TTC1: variants seen among roughly 807,000 people sequenced by gnomAD.
TTC1 encodes the protein tetratricopeptide repeat domain 1.
A neutral mutation model predicts 37.6 loss-of-function variants in TTC1; 31 were observed. The ratio of observed to expected loss-of-function variants is 0.82; its 90% CI spans 0.62 to 1.11. TTC1 has a LOEUF of 1.11. TTC1 is among the 50% of genes most tolerant of loss of function. The pLI is 0.00. For missense variants in TTC1, 351 were observed against 339.0 expected (o/e 1.04, Z -0.28); for synonymous variants, 127 against 122.4 (o/e 1.04, Z -0.25).
intron 4 of TTC1, among the ~76,000 whole-genome samples, chr5:160,038,062 G>T (rs1024897440): frequency 9.9e-5 from 15 of 151,672 alleles, no homozygotes; most frequent in African/African-American, 3.4e-4. Context: ...GTGCTTGAAT[G>T]CTTGGACATG....
At chr5:160,052,690 G>A (rs974378073) in intron 7 of TTC1, among the ~76,000 whole-genome samples, 1 of 151,954 alleles carries the variant, frequency 6.6e-6, no homozygotes, top group Admixed American at 6.6e-5. Flanking sequence ...GTCCAGTAAA[G>A]GGACTGGTGC....
chr5:160,014,652 A>G (rs1237059287), intron 2 of TTC1, among the ~76,000 whole-genome samples: 3 of 152,112 alleles, frequency 2.0e-5, no homozygotes, highest in African/African-American at 7.2e-5. Context: ...GCAGTGAGCC[A>G]TGATCACGCC....
chr5:160,013,828 G>T (rs1449789381), intron 2 of TTC1, among the ~76,000 whole-genome samples: 1 of 151,818 alleles, frequency 6.6e-6, no homozygotes, highest in Non-Finnish European at 1.5e-5. Context: ...AGGAGAGGAT[G>T]TTGGAACTCA....
At chr5:160,023,733 T>G (rs996279562) in intron 2 of TTC1, 75 of 1,610,206 alleles carry the variant, frequency 4.7e-5, no homozygotes, top group East Asian at 2.9e-4. Flanking sequence ...CCTATGTGCT[T>G]CTTCTTGTGC....
intron 7 of TTC1, 47 bp from the exon 8 acceptor site, chr5:160,064,885 T>C: frequency 6.3e-7 from 1 of 1,581,264 alleles, no homozygotes; most frequent in Non-Finnish European, 8.6e-7. Context: ...ACCTTCCTGC[T>C]TCTGTTCATT....
chr5:160,018,970 C>G (rs531609902), intron 2 of TTC1, among the ~76,000 whole-genome samples: 1 of 152,330 alleles, frequency 6.6e-6, no homozygotes, highest in African/African-American at 2.4e-5. Context: ...TCTTCAGCTA[C>G]TGGATGGATG....
chr5:160,023,505 C>CTGA (rs961608283), intron 2 of TTC1, among the ~76,000 whole-genome samples: 1 of 152,050 alleles, frequency 6.6e-6, no homozygotes, highest in Non-Finnish European at 1.5e-5. Context: ...GTTGCCCAGG[C>CTGA]TGAAGTTTTC....
intron 2 of TTC1, among the ~76,000 whole-genome samples, chr5:160,019,545 C>T (rs539259814): frequency 2.4e-4 from 37 of 151,440 alleles, no homozygotes; most frequent in Admixed American, 1.8e-3. Flanking sequence ...TCATGAGCAA[C>T]CTTTCTGATT....
rs56201199 is a variant in TTC1 at position 160,048,126 on chromosome 5, C to CTT, written c.542-1353_542-1352dup. Among the ~76,000 whole-genome samples the CTT allele has an allele frequency of 6.5e-4, 23 of 35,570 alleles. 5 individuals are homozygous for CTT. The highest frequency in any genetic ancestry group is 3.2e-3 in the South Asian group (2 of 622). 23.3% of individuals were successfully genotyped at this position (35,570 alleles called of 152,430 possible). ...AAAAAGTTCTAGAGCCAAGACATTG[C>CTT]TTTTTTTTTTTTTTTTTTTTTTTTT... is the stretch of plus-strand genomic sequence containing the variant. On this transcript the variant is annotated intron_variant, in intron 5 of 7. Transcript: ENST00000231238.
chr5:160,025,947 G>T (rs762305689), intron 2 of TTC1, among the ~76,000 whole-genome samples: 1 of 152,190 alleles, frequency 6.6e-6, no homozygotes, highest in African/African-American at 2.4e-5. Context: ...TTAACTTGGC[G>T]TAAAGTGGGA....
intron 7 of TTC1, among the ~76,000 whole-genome samples, chr5:160,056,753 T>C (rs542385502): frequency 4.6e-5 from 7 of 152,106 alleles, no homozygotes; most frequent in Non-Finnish European, 1.0e-4. Flanking sequence ...TATCATCTTG[T>C]ATGAGTGCCA....
At chr5:160,027,621 C>G (rs1756829992) in intron 2 of TTC1, among the ~76,000 whole-genome samples, 1 of 152,196 alleles carries the variant, frequency 6.6e-6, no homozygotes. Flanking sequence ...GTCATTTCCT[C>G]CAGCCTGAAG....
intron 1 of TTC1, among the ~76,000 whole-genome samples, chr5:160,009,990 C>A (rs1460586671): frequency 1.3e-5 from 2 of 152,272 alleles, no homozygotes; most frequent in African/African-American, 4.8e-5. Context: ...AGGGCTGCTT[C>A]CTTTTTCTTG....
At chr5:160,009,530 G>T (rs1029312879) in intron 1 of TTC1, among the ~76,000 whole-genome samples, 2 of 152,162 alleles carry the variant, frequency 1.3e-5, no homozygotes, top group African/African-American at 2.4e-5. Context: ...GGCTGCTGAT[G>T]CTCTGACTCA....
intron 3 of TTC1, 114 bp from the exon 4 acceptor site, chr5:160,036,577 T>C (rs1309359538): frequency 1.4e-6 from 1 of 704,836 alleles, no homozygotes; most frequent in African/African-American, 1.8e-5. Flanking sequence ...TTACCATCTT[T>C]TAACTCAAAA....
Position 160,057,150 on chromosome 5 carries a change from G to A in TTC1, c.745+5967G>A, listed in dbSNP as rs1757567378. Among the ~76,000 whole-genome samples the A allele has an allele frequency of 1.3e-5, 2 of 152,126 alleles. No individual in the cohort carries two copies. The highest frequency in any genetic ancestry group is 2.9e-5 in the Non-Finnish European group (2 of 68,022). On this transcript the variant is annotated intron_variant, in intron 7 of 7. Transcript: ENST00000231238. The surrounding 1 kb of genome is among the most constrained non-coding windows in gnomAD (Gnocchi z 4.4). ...AGTAGCTTTTCAGTGCTTTGCTTTTGTCTTCATTTCCTAATTGCTATCCTG... is the reference window on the plus strand; with the variant it reads ...AGTAGCTTTTCAGTGCTTTGCTTTTATCTTCATTTCCTAATTGCTATCCTG...
chr5:160,062,683 G>C (rs911908087), intron 7 of TTC1, among the ~76,000 whole-genome samples: 2 of 152,118 alleles, frequency 1.3e-5, no homozygotes, highest in African/African-American at 4.8e-5. Flanking sequence ...TCTCCACCAT[G>C]GAGCTGCCCC....
intron 2 of TTC1, among the ~76,000 whole-genome samples, chr5:160,029,611 C>G (rs767602741): frequency 6.6e-6 from 1 of 152,018 alleles, no homozygotes; most frequent in Non-Finnish European, 1.5e-5. Context: ...TCTCTTTAGC[C>G]TGGGTAGTAA....
chr5:160,045,552 T>TCCCC (rs142492183), intron 5 of TTC1, among the ~76,000 whole-genome samples: 2 of 87,514 alleles, frequency 2.3e-5, no homozygotes, highest in African/African-American at 9.2e-5. Context: ...TCTCTCTCTC[T>TCCCC]CCCCCTCCCC....
Sources: allele counts gnomAD v4.1 joint callset (sites outside exome capture counted in the v4.1 genomes callset), GRCh38; gene constraint gnomAD v4.1.1; non-coding constraint Gnocchi (gnomAD v3.1); transcripts MANE v1.5; gene names NCBI Gene and HGNC (gene_info 2026-07-23, HGNC 2026-07-21).